ZNF618: variants seen among roughly 807,000 people sequenced by gnomAD.
ZNF618 encodes the protein neural precursor cell expressed, developmentally down-regulated 10.
ZNF618 carries 34 observed loss-of-function variants against 103.0 expected under a neutral mutation model. The ratio of observed to expected loss-of-function variants is 0.33; its 90% confidence interval spans 0.25 to 0.44. The LOEUF is 0.44. Ranked by LOEUF, ZNF618 falls within the 20% of genes least tolerant of loss-of-function variation. ZNF618 has a pLI of 1.00. For synonymous variants in ZNF618, 551 were observed against 542.2 expected (o/e 1.02, Z -0.23); for missense variants, 1,059 against 1,295.4 (o/e 0.82, Z 2.80).
At chr9:113,977,444 C>T (rs1365311902) in intron 2 of ZNF618, among the ~76,000 whole-genome samples, 4 of 152,120 alleles carry the variant, frequency 2.6e-5, no homozygotes, top group African/African-American at 9.7e-5. Flanking sequence ...TTAGGGATGG[C>T]CTCGCTCTTT....
chr9:113,932,944 T>C (rs888745280), intron 1 of ZNF618, among the ~76,000 whole-genome samples: 5 of 152,118 alleles, frequency 3.3e-5, no homozygotes, highest in African/African-American at 7.2e-5. Flanking sequence ...TAGTGAGACT[T>C]GACAGCTCAC....
Position 113,944,946 on chromosome 9 carries a change from A to C in ZNF618, c.34-24171A>C, listed in dbSNP as rs535208586. On this transcript the variant is annotated intron_variant, in intron 1 of 14. Transcript: ENST00000374126. ...AGTGTGGCTGTAACAGATGCACATA[A>C]AAAAGTGACATTCCGCAGATATGAA... is the stretch of plus-strand genomic sequence containing the variant. 3.3e-5 allele frequency among the ~76,000 whole-genome samples: 5 copies of C among 152,284 alleles called. No homozygotes were observed. In the South Asian group the frequency reaches 1.0e-3, roughly 32 times the overall value.
At chr9:114,034,424 G>A (rs1315813731) in intron 12 of ZNF618, among the ~76,000 whole-genome samples, 4 of 152,280 alleles carry the variant, frequency 2.6e-5, no homozygotes, top group South Asian at 4.1e-4. Context: ...GAACGATAGC[G>A]CAAGCACTGC....
intron 3 of ZNF618, among the ~76,000 whole-genome samples, chr9:113,996,326 G>A (rs1840590868): frequency 6.6e-6 from 1 of 152,164 alleles, no homozygotes; most frequent in South Asian, 2.1e-4. Flanking sequence ...TAAGGAACCA[G>A]CCTTCTGTCC....
intron 1 of ZNF618, among the ~76,000 whole-genome samples, chr9:113,889,347 T>TCTCTCTCTCTC (rs1477289947): frequency 2.2e-3 from 234 of 104,194 alleles, no homozygotes; most frequent in African/African-American, 7.1e-3. Flanking sequence ...CTCTCTCTCT[T>TCTCTCTCTCTC]TCTCTCCCTC....
chr9:113,922,263 C>T (rs1188051551), intron 1 of ZNF618, among the ~76,000 whole-genome samples: 1 of 152,168 alleles, frequency 6.6e-6, no homozygotes. Context: ...AGGCCTGAAA[C>T]TGATAGTGAA....
chr9:113,974,973 C>T (rs998176144), intron 2 of ZNF618, among the ~76,000 whole-genome samples: 8 of 152,136 alleles, frequency 5.3e-5, no homozygotes, highest in Admixed American at 1.3e-4. Flanking sequence ...TTGTCAATGA[C>T]GATTAGGTGT....
chr9:113,896,534 T>C (rs1019365269), intron 1 of ZNF618, among the ~76,000 whole-genome samples: 4 of 152,060 alleles, frequency 2.6e-5, no homozygotes, highest in Non-Finnish European at 5.9e-5. Context: ...AAATGTTTCA[T>C]CTGCTTGCGA....
intron 5 of ZNF618, 72 bp downstream of exon 5, chr9:114,002,145 C>T (rs1325928102): frequency 1.5e-5 from 21 of 1,423,808 alleles, no homozygotes; most frequent in African/African-American, 2.8e-5. Context: ...CCACTTGGGC[C>T]CCTCGTGGGT....
At chr9:113,940,254 G>A (rs979517384) in intron 1 of ZNF618, among the ~76,000 whole-genome samples, 2 of 151,962 alleles carry the variant, frequency 1.3e-5, no homozygotes, top group South Asian at 4.1e-4. Flanking sequence ...TTTTAAAAAG[G>A]TTATTGAGGT....
At chr9:113,894,715 G>A (rs565805689) in intron 1 of ZNF618, among the ~76,000 whole-genome samples, 3 of 152,046 alleles carry the variant, frequency 2.0e-5, no homozygotes, top group South Asian at 4.2e-4. Context: ...ATTTTTGACC[G>A]CAGTTGTGAC....
intron 9 of ZNF618, among the ~76,000 whole-genome samples, chr9:114,015,575 C>A (rs935825105): frequency 2.0e-5 from 3 of 152,192 alleles, no homozygotes; most frequent in African/African-American, 4.8e-5. Context: ...AATACATACC[C>A]TTTCCCTCTC....
chr9:113,969,521 T>C (rs1286565504), intron 2 of ZNF618, among the ~76,000 whole-genome samples: 1 of 152,184 alleles, frequency 6.6e-6, no homozygotes, highest in Non-Finnish European at 1.5e-5. Context: ...CCAGAATCCA[T>C]TGGCCTATGT....
chr9:114,001,215 T>C (rs1008129963), intron 4 of ZNF618, among the ~76,000 whole-genome samples: 6 of 151,432 alleles, frequency 4.0e-5, no homozygotes, highest in Admixed American at 3.9e-4. Context: ...CTCTCTGCAG[T>C]GCTCACTAGG....
chr9:113,903,492 A>G (rs1303612817), intron 1 of ZNF618, among the ~76,000 whole-genome samples: 1 of 151,354 alleles, frequency 6.6e-6, no homozygotes, highest in Non-Finnish European at 1.5e-5. Flanking sequence ...TTTTTTAATC[A>G]ACACTCAGTA....
chr9:113,918,619 C>T (rs1832344612), intron 1 of ZNF618, among the ~76,000 whole-genome samples: 1 of 152,082 alleles, frequency 6.6e-6, no homozygotes, highest in African/African-American at 2.4e-5. Flanking sequence ...TGCTGGATGT[C>T]TATTTTATGG....
At chr9:113,948,062 G>T (rs1442885757) in intron 1 of ZNF618, among the ~76,000 whole-genome samples, 3 of 152,104 alleles carry the variant, frequency 2.0e-5, no homozygotes, top group Non-Finnish European at 4.4e-5. Flanking sequence ...GATGCTGTTG[G>T]CCTCTCTGGG....
chr9:113,995,811 T>C (rs1372641037), intron 3 of ZNF618, among the ~76,000 whole-genome samples: 3 of 152,084 alleles, frequency 2.0e-5, no homozygotes, highest in Non-Finnish European at 4.4e-5. Flanking sequence ...TATTGTAGGG[T>C]CACCTCTTTG....
intron 2 of ZNF618, among the ~76,000 whole-genome samples, chr9:113,982,758 TG>T (rs1839089764): frequency 1.3e-5 from 2 of 152,140 alleles, no homozygotes; most frequent in Non-Finnish European, 2.9e-5. Context: ...TCCAGCCTCA[TG>T]GGTGCATCTA....
Sources: allele counts gnomAD v4.1 joint callset (sites outside exome capture counted in the v4.1 genomes callset), GRCh38; gene constraint gnomAD v4.1.1; transcripts MANE v1.5; gene names NCBI Gene and HGNC (gene_info 2026-07-23, HGNC 2026-07-21).